The following CFAP47 variants were observed in gnomAD, a reference collection of about 807,000 sequenced individuals.
CFAP47 encodes the protein cilia and flagella associated protein 47.
A neutral mutation model predicts 148.1 loss-of-function variants in CFAP47; 29 were observed. The observed-to-expected ratio is 0.20, with a 90% CI of 0.15 to 0.27. The LOEUF (loss-of-function observed/expected upper bound fraction) is 0.27. CFAP47 is among the 10% of genes least tolerant of loss of function. The probability of loss-of-function intolerance (pLI) is 1.00; values close to 1 mark genes in which losing one functional copy is unlikely to be tolerated. For synonymous variants in CFAP47, 664 were observed against 577.3 expected (o/e 1.15, Z -2.15); for missense variants, 1,872 against 1,697.5 (o/e 1.10, Z -1.81).
Position 36,138,003 on chromosome X carries a change from T to C in CFAP47, c.5366T>C (p.Leu1789Pro). ...ERWIVNFDKD[L>P]SDGLVFATQL... ...TGGATAGTAAATTTTGACAAAGACCTTTCAGATGGTCTTGTTTTTGCAACA... is the reference window on the plus strand; with the variant it reads ...TGGATAGTAAATTTTGACAAAGACCCTTCAGATGGTCTTGTTTTTGCAACA... Residue 1789 changes from leucine (L) to proline (P), a missense_variant, in exon 34 of 64, where the codon CTT (leucine) becomes CCT (proline). Coordinates refer to ENST00000378653, the MANE Select transcript of CFAP47 (RefSeq NM_001304548.2). The C allele has an allele frequency of 2.1e-6, 2 of 967,923 alleles. No individual in the cohort carries two copies. The highest frequency in any genetic ancestry group is 2.9e-6 in the Non-Finnish European group (2 of 678,587). 79.8% of individuals were successfully genotyped at this position (967,923 alleles called of 1,213,427 possible).
chrX:36,250,415 T>C (rs1940677309), intron 48 of CFAP47, among the ~76,000 whole-genome samples: 1 of 108,848 alleles, frequency 9.2e-6, no homozygotes, highest in African/African-American at 3.3e-5. Context: ...ATGGGGGGAG[T>C]TGTTGGAGAG....
intron 57 of CFAP47, among the ~76,000 whole-genome samples, chrX:36,335,816 T>C (rs782809845): frequency 1.9e-4 from 21 of 111,762 alleles, no homozygotes; most frequent in Admixed American, 9.5e-4. Flanking sequence ...CTGATTTTTC[T>C]TCACTATAAT....
intron 60 of CFAP47, 126 bp downstream of exon 60, chrX:36,353,807 T>C (rs1602122521): frequency 2.1e-6 from 1 of 485,522 alleles, no homozygotes; most frequent in East Asian, 3.9e-5. Flanking sequence ...TCACTACTTA[T>C]TCACATAGTG....
At chrX:36,144,792 C>T (rs374722106) in intron 35 of CFAP47, 2 of 1,024,768 alleles carry the variant, frequency 2.0e-6, no homozygotes, top group African/African-American at 3.9e-5. Flanking sequence ...TTTTCTCCTT[C>T]TGCCCTTGGA....
intron 49 of CFAP47, among the ~76,000 whole-genome samples, chrX:36,262,469 T>A (rs1265046064): frequency 1.8e-5 from 2 of 112,132 alleles, no homozygotes; most frequent in African/African-American, 6.5e-5. Context: ...AATGCAATGT[T>A]TGTCTTTCTG....
At chrX:35,971,064 G>A (rs1472031960) in intron 11 of CFAP47, 141 bp downstream of exon 11, 2 of 441,420 alleles carry the variant, frequency 4.5e-6, no homozygotes, top group Non-Finnish European at 7.6e-6. Context: ...ACACTGAGCT[G>A]CTTTAACTAC....
At chrX:36,349,123 AAAG>A (rs1556017038) in intron 58 of CFAP47, among the ~76,000 whole-genome samples, 4 of 112,002 alleles carry the variant, frequency 3.6e-5, no homozygotes, top group African/African-American at 1.3e-4. Context: ...GGAATGCATT[AAAG>A]AAGCTTGAAG....
intron 40 of CFAP47, among the ~76,000 whole-genome samples, chrX:36,184,631 A>T (rs901006936): frequency 3.2e-4 from 36 of 112,055 alleles, no homozygotes; most frequent in African/African-American, 8.1e-4. Flanking sequence ...TTTTGTTAAA[A>T]AAATAAATAA....
intron 45 of CFAP47, among the ~76,000 whole-genome samples, chrX:36,223,849 A>G (rs1429764989): frequency 9.0e-6 from 1 of 111,346 alleles, no homozygotes; most frequent in Non-Finnish European, 1.9e-5. Flanking sequence ...TTTGAAAGCT[A>G]TTAATCAAAT....
chrX:36,103,647 ATTG>A (rs1938419353), intron 32 of CFAP47, among the ~76,000 whole-genome samples: 1 of 109,551 alleles, frequency 9.1e-6, no homozygotes, highest in Admixed American at 9.9e-5. Context: ...TATGACTCAA[ATTG>A]TTGTGTTCAT....
chrX:36,145,878 GA>G (rs11439684), intron 36 of CFAP47, among the ~76,000 whole-genome samples: 15 of 97,781 alleles, frequency 1.5e-4, no homozygotes, highest in South Asian at 4.5e-4. Flanking sequence ...AAAAATTGAA[GA>G]AAAAAAAAAA....
intron 26 of CFAP47, among the ~76,000 whole-genome samples, chrX:36,052,206 G>C (rs748709178): frequency 3.0e-4 from 34 of 111,977 alleles, no homozygotes; most frequent in African/African-American, 1.1e-3. Flanking sequence ...GAAACTCCTG[G>C]AAAGTACCTG....
At chrX:35,948,162 G>A (rs751667687) in intron 3 of CFAP47, 152 bp from the exon 4 acceptor site, 4 of 429,000 alleles carry the variant, frequency 9.3e-6, no homozygotes, top group Admixed American at 3.8e-5. Flanking sequence ...GTGTTGGGCT[G>A]CATTCAAAGC....
At chrX:36,049,488 T>TCTCTTACACACA (rs751788515) in intron 26 of CFAP47, among the ~76,000 whole-genome samples, 3 of 92,271 alleles carry the variant, frequency 3.3e-5, no homozygotes, top group African/African-American at 1.1e-4. Context: ...TTTCTCTCTC[T>TCTCTTACACACA]CACACACACA....
At chrX:36,326,304 A>AACACACACAC (rs56939762) in intron 57 of CFAP47, among the ~76,000 whole-genome samples, 2 of 103,539 alleles carry the variant, frequency 1.9e-5, no homozygotes, top group African/African-American at 7.1e-5. Flanking sequence ...CCAATTTCCA[A>AACACACACAC]ACACACACAC....
At chrX:36,146,490 AC>A (rs1939234970) in intron 36 of CFAP47, among the ~76,000 whole-genome samples, 1 of 112,145 alleles carries the variant, frequency 8.9e-6, no homozygotes, top group Non-Finnish European at 1.9e-5. Context: ...ATACAAATAT[AC>A]CTTTCATTTT....
At chrX:36,075,313 C>T (rs971583762) in intron 29 of CFAP47, among the ~76,000 whole-genome samples, 21 of 109,777 alleles carry the variant, frequency 1.9e-4, no homozygotes, top group African/African-American at 6.0e-4. Context: ...CTGCAACCTC[C>T]GCTTCCCGGG....
At chrX:36,348,568 C>T (rs1941717391) in intron 58 of CFAP47, among the ~76,000 whole-genome samples, 1 of 110,702 alleles carries the variant, frequency 9.0e-6, no homozygotes, top group South Asian at 3.8e-4. Flanking sequence ...ATCAGTGAAT[C>T]AAAGTCAGAG....
chrX:36,239,330 T>C (rs1940512373), intron 48 of CFAP47, among the ~76,000 whole-genome samples: 1 of 112,241 alleles, frequency 8.9e-6, no homozygotes, highest in Non-Finnish European at 1.9e-5. Context: ...ATCTAAGAAG[T>C]ATATATTTAA....
Sources: gnomAD v4.1 joint callset for allele counts (sites outside exome capture counted in the v4.1 genomes callset) on GRCh38, gnomAD v4.1.1 for gene constraint, MANE v1.5 for transcripts, NCBI Gene and HGNC (gene_info 2026-07-23, HGNC 2026-07-21) for gene names.